Variants in SMARCAD1 observed in about 807,000 individuals in gnomAD.
SMARCAD1 encodes SNF2 related chromatin remodeling ATPase with DExD box 1, also known as SWI/SNF-related matrix-associated actin-dependent regulator of chromatin subfamily A containing DEAD/H box 1.
In SMARCAD1, 25 loss-of-function variants were observed where a neutral mutation model predicts 127.1. The observed-to-expected ratio is 0.20, with a 90% CI of 0.14 to 0.27. The LOEUF (loss-of-function observed/expected upper bound fraction) is 0.27. SMARCAD1 is among the 10% of genes least tolerant of loss of function. The pLI, the probability that SMARCAD1 is intolerant of heterozygous loss-of-function variation, is 1.00. For synonymous variants in SMARCAD1, 400 were observed against 396.9 expected (o/e 1.01, Z -0.09); for missense variants, 807 against 1,206.0 (o/e 0.67, Z 4.90).
intron 3 of SMARCAD1, among the ~76,000 whole-genome samples, 190 bp from the exon 4 acceptor site, chr4:94,233,764 T>G (rs1233705303): frequency 6.6e-6 from 1 of 152,164 alleles, no homozygotes; most frequent in Non-Finnish European, 1.5e-5. Context: ...ATACTGATGT[T>G]GGTAATGCAG....
chr4:94,245,219 G>A (rs1219862127), intron 6 of SMARCAD1, among the ~76,000 whole-genome samples: 1 of 152,230 alleles, frequency 6.6e-6, no homozygotes, highest in Non-Finnish European at 1.5e-5. Context: ...CTAGGGTCCT[G>A]TCCTGATGAT....
At chr4:94,280,191 T>A (rs1190895873) in intron 19 of SMARCAD1, among the ~76,000 whole-genome samples, 2 of 152,176 alleles carry the variant, frequency 1.3e-5, no homozygotes, top group African/African-American at 2.4e-5. Flanking sequence ...AATTTTTTTT[T>A]ATTATTTTAA....
intron 2 of SMARCAD1, among the ~76,000 whole-genome samples, chr4:94,218,569 C>T (rs186932759): frequency 3.4e-4 from 51 of 151,588 alleles, no homozygotes; most frequent in African/African-American, 1.1e-3. Flanking sequence ...TTGGGATTAC[C>T]GCACCCAGAC....
At chr4:94,238,735 C>T (rs1747108378) in intron 5 of SMARCAD1, among the ~76,000 whole-genome samples, 1 of 152,210 alleles carries the variant, frequency 6.6e-6, no homozygotes, top group Non-Finnish European at 1.5e-5. Flanking sequence ...CTTGCTCTCA[C>T]ATTATCTCAT....
At chr4:94,233,885 A>G (rs1746238148) in intron 3 of SMARCAD1, 69 bp from the exon 4 acceptor site, 3 of 1,487,164 alleles carry the variant, frequency 2.0e-6, no homozygotes, top group Non-Finnish European at 2.8e-6. Flanking sequence ...GTATACACAT[A>G]GACACTATAA....
intron 6 of SMARCAD1, among the ~76,000 whole-genome samples, chr4:94,246,215 G>A (rs1472625867): frequency 3.3e-5 from 5 of 151,858 alleles, no homozygotes; most frequent in Admixed American, 2.0e-4. Flanking sequence ...CGCCTCCCGG[G>A]TTCAAGCAAT....
chr4:94,270,114 A>AAACATCAGTG (rs765993764), intron 10 of SMARCAD1, among the ~76,000 whole-genome samples: 12 of 151,608 alleles, frequency 7.9e-5, no homozygotes, highest in Non-Finnish European at 1.3e-4. Flanking sequence ...GCATTTGCTA[A>AAACATCAGTG]AACATCAGTG....
At chr4:94,270,535 GA>G (rs568766027) in intron 10 of SMARCAD1, 192 bp from the exon 11 acceptor site, 9 of 528,302 alleles carry the variant, frequency 1.7e-5, no homozygotes, top group Non-Finnish European at 2.7e-5. Flanking sequence ...ATAGAATAGA[GA>G]ATAAAGTTTG....
chr4:94,267,893 A>T (rs1751972481), intron 10 of SMARCAD1, among the ~76,000 whole-genome samples: 1 of 152,166 alleles, frequency 6.6e-6, no homozygotes, highest in Non-Finnish European at 1.5e-5. Flanking sequence ...AATAGATGGG[A>T]AATATGATTA....
chr4:94,289,792 G>A lies in SMARCAD1; in HGVS notation c.*258G>A, dbSNP rs1366259614. ...CATTTTACAAAGCAGTTTTCTGAAT[G>A]GGGATTAGTTGGTGATTGTTTGTAA... On this transcript the variant is annotated 3_prime_UTR_variant, in exon 24 of 24. Transcript: ENST00000354268. 6.9e-6 allele frequency: 4 copies of A among 575,944 alleles called. No individual in the cohort carries two copies. The East Asian group carries it at 1.6e-4, about 23-fold the overall frequency. The allele number at this position is 575,944 out of a possible 1,614,324, so 35.7% of individuals were successfully genotyped here.
At chr4:94,270,111 C>G (rs972591904) in intron 10 of SMARCAD1, among the ~76,000 whole-genome samples, 7 of 151,206 alleles carry the variant, frequency 4.6e-5, no homozygotes, top group African/African-American at 1.7e-4. Context: ...TTAGCATTTG[C>G]TAAAACATCA....
At chr4:94,285,766 G>C (rs576195517) in intron 23 of SMARCAD1, among the ~76,000 whole-genome samples, 2 of 152,290 alleles carry the variant, frequency 1.3e-5, no homozygotes, top group East Asian at 3.9e-4. Flanking sequence ...GGGCGGTAGA[G>C]AAAGTTTGAG....
chr4:94,235,135 G>A (rs982759941), intron 4 of SMARCAD1, among the ~76,000 whole-genome samples: 3 of 148,276 alleles, frequency 2.0e-5, no homozygotes, highest in Non-Finnish European at 3.0e-5. Flanking sequence ...CTATATTTAT[G>A]AAATAATGCA....
Position 94,258,630 on chromosome 4 carries a change from G to T in SMARCAD1, c.1281+5623G>T, listed in dbSNP as rs146669479. On this transcript the variant is annotated intron_variant, in intron 9 of 23. Coordinates refer to ENST00000354268, the MANE Select transcript of SMARCAD1 (RefSeq NM_020159.5). ...TGCATGCCACTTTTTTTATTCCATT[G>T]GTTTTGTAAGTGCATACTAGGTGAT... Among the ~76,000 whole-genome samples the T allele has an allele frequency of 7.5e-3, 1,144 of 152,124 alleles. 7 individuals are homozygous for T. The highest frequency in any genetic ancestry group is 0.026 in the African/African-American group (1,068 of 41,492).
At chr4:94,243,194 C>T (rs1747866274) in intron 6 of SMARCAD1, among the ~76,000 whole-genome samples, 1 of 152,190 alleles carries the variant, frequency 6.6e-6, no homozygotes, top group African/African-American at 2.4e-5. Context: ...CTGCTTTGGC[C>T]TCTCCAAGTG....
At chr4:94,242,644 C>G (rs1221149841) in intron 6 of SMARCAD1, among the ~76,000 whole-genome samples, 1 of 151,330 alleles carries the variant, frequency 6.6e-6, no homozygotes, top group Admixed American at 6.6e-5. Context: ...TAGCTTATGC[C>G]TATAATCCCA....
intron 9 of SMARCAD1, among the ~76,000 whole-genome samples, chr4:94,259,400 C>G (rs944136832): frequency 6.6e-6 from 1 of 152,136 alleles, no homozygotes; most frequent in Non-Finnish European, 1.5e-5. Context: ...AAAAAACTGT[C>G]TACTGCTGTT....
intron 21 of SMARCAD1, 45 bp from the exon 22 acceptor site, chr4:94,283,076 A>C: frequency 6.6e-6 from 10 of 1,506,004 alleles, no homozygotes; most frequent in Non-Finnish European, 9.2e-6. Flanking sequence ...TAATTACATT[A>C]TACAACTTTT....
intron 3 of SMARCAD1, among the ~76,000 whole-genome samples, chr4:94,228,806 A>G (rs1262292236): frequency 1.3e-5 from 2 of 152,020 alleles, no homozygotes; most frequent in African/African-American, 4.8e-5. Flanking sequence ...CAGTGGATTT[A>G]GTTTGTCATA....
Sources: gnomAD v4.1 joint callset for allele counts (sites outside exome capture counted in the v4.1 genomes callset) on GRCh38, gnomAD v4.1.1 for gene constraint, MANE v1.5 for transcripts, NCBI Gene and HGNC (gene_info 2026-07-23, HGNC 2026-07-21) for gene names.